NPNT: variants seen among roughly 807,000 people sequenced by gnomAD.
NPNT encodes preosteoblast EGF-like repeat protein with MAM domain.
Under a neutral mutation model 68.6 loss-of-function variants are expected in NPNT, and 45 were observed. The observed-to-expected ratio is 0.66, with a 90% confidence interval of 0.52 to 0.84. The LOEUF (loss-of-function observed/expected upper bound fraction) is 0.84. Among genes scored for constraint, NPNT ranks in the 40% least tolerant of loss-of-function variants. The pLI, the probability that NPNT is intolerant of heterozygous loss-of-function variation, is 0.00. For missense variants in NPNT, 672 were observed against 714.8 expected (o/e 0.94, Z 0.68); for synonymous variants, 233 against 253.3 (o/e 0.92, Z 0.76).
chr4:105,916,776 C>T (rs2149339644), intron 2 of NPNT, among the ~76,000 whole-genome samples: 1 of 152,230 alleles, frequency 6.6e-6, no homozygotes, highest in Middle Eastern at 3.4e-3. Flanking sequence ...GAGGCAGTGT[C>T]TTATACATCT....
intron 5 of NPNT, among the ~76,000 whole-genome samples, chr4:105,939,560 G>A (rs765652645): frequency 4.5e-4 from 69 of 152,304 alleles, no homozygotes; most frequent in Non-Finnish European, 8.8e-4. Flanking sequence ...TTGATTGTAT[G>A]TTTTAATGGA....
intron 2 of NPNT, among the ~76,000 whole-genome samples, chr4:105,901,326 C>G (rs1726400312): frequency 6.6e-6 from 1 of 152,200 alleles, no homozygotes; most frequent in South Asian, 2.1e-4. Context: ...TCTTATTACA[C>G]AAGCATATTT....
intron 4 of NPNT, among the ~76,000 whole-genome samples, 168 bp downstream of exon 4, chr4:105,937,296 T>G (rs1306383612): frequency 6.6e-6 from 1 of 152,186 alleles, no homozygotes; most frequent in Non-Finnish European, 1.5e-5. Flanking sequence ...GGCACCATTT[T>G]CGATGTATAA....
At chr4:105,967,474 T>A (rs1732258925) in intron 11 of NPNT, 30 bp downstream of exon 11, 1 of 1,511,110 alleles carries the variant, frequency 6.6e-7, no homozygotes, top group African/African-American at 1.4e-5. Flanking sequence ...AGGCAGGACC[T>A]GGGACGTTTT....
At chr4:105,932,565 T>C in intron 3 of NPNT, 2 of 1,288,674 alleles carry the variant, frequency 1.6e-6, no homozygotes, top group Non-Finnish European at 1.1e-6. Flanking sequence ...AGGGCTAAAA[T>C]TGACATCAGT....
chr4:105,940,642 T>C lies in NPNT; in HGVS notation c.763+6T>C. 1 of 1,611,920 alleles carries C rather than the reference T, an allele frequency of 6.2e-7. No homozygotes were observed. Among genetic ancestry groups the C allele is most frequent in the African/African-American group, 1.3e-5 (1 of 74,924 alleles). On this transcript the variant is annotated splice_donor_region_variant and intron_variant, in intron 7 of 11. Coordinates refer to ENST00000379987, the MANE Select transcript of NPNT (RefSeq NM_001033047.3). ...TGATGGACTGACTTGTGTGTGTGAG[T>C]AGCACTTGTCTCTCAGCTTTAAATT...
intron 2 of NPNT, chr4:105,912,503 A>G (rs1727451688): frequency 7.1e-6 from 4 of 561,344 alleles, no homozygotes; most frequent in Non-Finnish European, 9.9e-6. Flanking sequence ...ATTGACCTCC[A>G]TTCTAAGCTA....
chr4:105,941,471 CA>C (rs1451872018), intron 7 of NPNT, among the ~76,000 whole-genome samples: 1 of 151,704 alleles, frequency 6.6e-6, no homozygotes, highest in South Asian at 2.1e-4. Context: ...GAAAAAAACC[CA>C]AAAGTCATAA....
chr4:105,910,825 T>C (rs1455815051), intron 2 of NPNT, among the ~76,000 whole-genome samples: 1 of 152,176 alleles, frequency 6.6e-6, no homozygotes, highest in African/African-American at 2.4e-5. Context: ...AACCTTAAGA[T>C]ATTACAAGGA....
Position 105,969,257 on chromosome 4 carries a change from G to A in NPNT, c.*267G>A. Reference sequence around the variant, plus strand: ...TCCATCCTGTGTCTCTTTCAGGAAGGCATTCAGCATGCGTGAGCCATACCA... The same window carrying A: ...TCCATCCTGTGTCTCTTTCAGGAAGACATTCAGCATGCGTGAGCCATACCA... On this transcript the variant is annotated 3_prime_UTR_variant, in exon 12 of 12. Transcript: ENST00000379987. 1 of 321,936 alleles carries A rather than the reference G, an allele frequency of 3.1e-6. No homozygotes were observed. The allele number at this position is 321,936 out of a possible 1,614,324, so 19.9% of individuals were successfully genotyped here. A position where few individuals can be genotyped will look rare whatever the true frequency, so the allele number is the denominator to read the frequency against.
chr4:105,959,381 A>G (rs1420353590), intron 10 of NPNT, among the ~76,000 whole-genome samples: 1 of 152,262 alleles, frequency 6.6e-6, no homozygotes, highest in Non-Finnish European at 1.5e-5. Context: ...AAAGCTTGAT[A>G]AATAAAATAT....
chr4:105,959,971 G>A (rs868361391), intron 10 of NPNT, among the ~76,000 whole-genome samples: 7 of 151,966 alleles, frequency 4.6e-5, no homozygotes, highest in Admixed American at 2.6e-4. Flanking sequence ...CACCATGCCC[G>A]GCTAATTTTT....
At position 105,934,187 on chromosome 4, in the gene NPNT, GTAAT is replaced by G. The variant is rs569997692; in HGVS notation, c.266-2820_266-2817del. Among the ~76,000 whole-genome samples, 324 of 152,226 alleles carry G rather than the reference GTAAT, an allele frequency of 2.1e-3. 1 individual carries two copies. Among genetic ancestry groups the G allele is most frequent in the Non-Finnish European group, 9.4e-4 (64 of 68,014 alleles). On this transcript the variant is annotated intron_variant, in intron 3 of 11. Transcript: ENST00000379987. ...TAGGAGTATTTACTATAATTTGGAAGTAATTTATTTTTGAATTTATTGCTTAATT... is the reference window on the plus strand; with the variant it reads ...TAGGAGTATTTACTATAATTTGGAAGTTATTTTTGAATTTATTGCTTAATT...
intron 1 of NPNT, 114 bp from the exon 2 acceptor site, chr4:105,897,787 G>C: frequency 3.8e-6 from 3 of 780,760 alleles, no homozygotes; most frequent in Non-Finnish European, 6.5e-6. Flanking sequence ...GCATAAAAGA[G>C]TTTGTAGAAA....
At chr4:105,926,176 G>A (rs1462235201) in intron 2 of NPNT, among the ~76,000 whole-genome samples, 1 of 152,090 alleles carries the variant, frequency 6.6e-6, no homozygotes, top group East Asian at 1.9e-4. Flanking sequence ...CTTTCTGCAC[G>A]TATGTATATG....
At chr4:105,920,204 A>T (rs1397272510) in intron 2 of NPNT, among the ~76,000 whole-genome samples, 1 of 151,842 alleles carries the variant, frequency 6.6e-6, no homozygotes, top group Admixed American at 6.6e-5. Flanking sequence ...GCCAGCTTCT[A>T]TTCTTTTCAC....
At chr4:105,905,159 T>C (rs10021687) in intron 2 of NPNT, among the ~76,000 whole-genome samples, 11,465 of 152,132 alleles carry the variant, frequency 0.075, 794 homozygotes, top group African/African-American at 0.18. Context: ...ACACCGTTTA[T>C]GATAAAAAGA....
chr4:105,955,724 G>T (rs28459481), intron 8 of NPNT, among the ~76,000 whole-genome samples: 9,936 of 151,510 alleles, frequency 0.066, 368 homozygotes, highest in African/African-American at 0.077. Context: ...GTACATGATT[G>T]TGATAATAAC....
intron 2 of NPNT, among the ~76,000 whole-genome samples, chr4:105,926,574 G>A (rs1354803353): frequency 6.6e-6 from 1 of 152,132 alleles, no homozygotes; most frequent in African/African-American, 2.4e-5. Flanking sequence ...CCCCCCAGTT[G>A]AGAATCACTG....
Sources: gnomAD v4.1 joint callset for allele counts (sites outside exome capture counted in the v4.1 genomes callset) on GRCh38, gnomAD v4.1.1 for gene constraint, MANE v1.5 for transcripts, NCBI Gene and HGNC (gene_info 2026-07-23, HGNC 2026-07-21) for gene names.